The following BABAM2 variants were observed in gnomAD, a reference collection of about 807,000 sequenced individuals.
BABAM2 encodes BRISC and BRCA1 A complex member 2, also known as BRISC and BRCA1-A complex member 2.
Under a neutral mutation model 54.7 loss-of-function variants are expected in BABAM2, and 31 were observed. The ratio of observed to expected loss-of-function variants is 0.57; its 90% confidence interval spans 0.43 to 0.77. BABAM2 has a LOEUF of 0.77. Among genes scored for constraint, BABAM2 ranks in the 30% least tolerant of loss-of-function variants. The probability of loss-of-function intolerance (pLI) is 0.00; values close to 1 mark genes in which losing one functional copy is unlikely to be tolerated. For missense variants in BABAM2, 364 were observed against 455.8 expected, an observed-to-expected ratio of 0.80 and a Z score of 1.83; for synonymous variants, 167 against 162.9, an observed-to-expected ratio of 1.03 and a Z score of -0.19.
chr2:28,080,073 C>T (rs1665030588), intron 6 of BABAM2, among the ~76,000 whole-genome samples: 1 of 152,046 alleles, frequency 6.6e-6, no homozygotes, highest in Non-Finnish European at 1.5e-5. Flanking sequence ...AACCCTTCAG[C>T]CACTCCTTCT....
At chr2:28,286,284 CA>C (rs1300665475) in intron 10 of BABAM2, among the ~76,000 whole-genome samples, 1 of 152,122 alleles carries the variant, frequency 6.6e-6, no homozygotes, top group Non-Finnish European at 1.5e-5. Context: ...CTTTCCAAAG[CA>C]TTCTCCATTC....
rs542566761 is a variant in BABAM2 at position 27,937,893 on chromosome 2, C to T, written c.205+7985C>T. Among the ~76,000 whole-genome samples, 32 of 152,222 alleles carry T rather than the reference C, an allele frequency of 2.1e-4. No homozygotes were observed. The South Asian group carries it at 3.3e-3, about 16-fold the overall frequency. On this transcript the variant is annotated intron_variant, in intron 3 of 11. Coordinates refer to ENST00000379624, the MANE Select transcript of BABAM2 (RefSeq NM_199191.3). ...AAATTCTTACTGAGACCAATTGTGA[C>T]GAGGCATTTCTCCTATGTTTTCTTC...
intron 11 of BABAM2, among the ~76,000 whole-genome samples, chr2:28,337,210 G>A (rs1226215762): frequency 6.6e-6 from 1 of 152,056 alleles, no homozygotes; most frequent in Non-Finnish European, 1.5e-5. Context: ...CAGGAGCACG[G>A]GTGCCCACCT....
At chr2:27,964,651 GA>G (rs1376524643) in intron 3 of BABAM2, among the ~76,000 whole-genome samples, 13 of 152,168 alleles carry the variant, frequency 8.5e-5, no homozygotes, top group Admixed American at 6.5e-5. Flanking sequence ...GTGTTCGACA[GA>G]AATCATGACA....
chr2:28,188,657 G>A (rs576989481), intron 7 of BABAM2, among the ~76,000 whole-genome samples: 2 of 152,080 alleles, frequency 1.3e-5, no homozygotes, highest in East Asian at 1.9e-4. Flanking sequence ...AACAGGCCTC[G>A]GGGCTGTTTA....
intron 6 of BABAM2, among the ~76,000 whole-genome samples, chr2:28,124,418 A>C (rs1457774020): frequency 6.6e-6 from 1 of 152,204 alleles, no homozygotes; most frequent in African/African-American, 2.4e-5. Context: ...TATCATCTAT[A>C]AAAGAGCAAG....
At chr2:28,161,699 T>C in intron 7 of BABAM2, among the ~76,000 whole-genome samples, 1 of 152,056 alleles carries the variant, frequency 6.6e-6, no homozygotes, top group Non-Finnish European at 1.5e-5. Flanking sequence ...AATGGGTGGG[T>C]GTGTCCTTTT....
intron 6 of BABAM2, among the ~76,000 whole-genome samples, chr2:28,102,628 A>G (rs367553070): frequency 1.6e-4 from 25 of 152,294 alleles, no homozygotes; most frequent in Admixed American, 1.2e-3. Context: ...ATTCCAGTAA[A>G]TTCCCAGTTT....
chr2:28,186,372 A>G (rs1676278906), intron 7 of BABAM2, among the ~76,000 whole-genome samples: 1 of 152,176 alleles, frequency 6.6e-6, no homozygotes, highest in African/African-American at 2.4e-5. Flanking sequence ...CAAATTCACA[A>G]GTATGTGGTA....
At chr2:28,240,712 A>G (rs1682331610) in intron 8 of BABAM2, among the ~76,000 whole-genome samples, 1 of 152,054 alleles carries the variant, frequency 6.6e-6, no homozygotes, top group Non-Finnish European at 1.5e-5. Context: ...TCTACTAAAA[A>G]TACAAAAATT....
intron 5 of BABAM2, among the ~76,000 whole-genome samples, chr2:28,038,923 T>A (rs910373755): frequency 1.3e-5 from 2 of 152,204 alleles, no homozygotes; most frequent in African/African-American, 4.8e-5. Context: ...CTGGATCAAA[T>A]GGTAGTTCTA....
At chr2:28,105,564 C>G (rs1667448845) in intron 6 of BABAM2, among the ~76,000 whole-genome samples, 1 of 152,156 alleles carries the variant, frequency 6.6e-6, no homozygotes, top group South Asian at 2.1e-4. Context: ...GAACATTTTG[C>G]TTAATCTCCT....
intron 11 of BABAM2, among the ~76,000 whole-genome samples, chr2:28,331,216 C>G (rs1331674650): frequency 2.0e-5 from 3 of 152,122 alleles, no homozygotes; most frequent in African/African-American, 7.2e-5. Flanking sequence ...ACTATAAAAA[C>G]CCTAGAAGAA....
upstream of BABAM2, among the ~76,000 whole-genome samples, chr2:27,889,342 G>A (rs967832226): frequency 2.0e-5 from 3 of 152,132 alleles, no homozygotes; most frequent in Admixed American, 6.5e-5. Flanking sequence ...ATTTCAGGAC[G>A]AATGAGGTGT....
At chr2:27,905,574 T>C (rs1372590962) in intron 2 of BABAM2, among the ~76,000 whole-genome samples, 1 of 152,178 alleles carries the variant, frequency 6.6e-6, no homozygotes, top group Non-Finnish European at 1.5e-5. Context: ...TTGTTATATA[T>C]AATAAATAAT....
intron 4 of BABAM2, among the ~76,000 whole-genome samples, chr2:28,013,935 T>A (rs1455994307): frequency 6.6e-6 from 1 of 152,178 alleles, no homozygotes; most frequent in African/African-American, 2.4e-5. Flanking sequence ...TTAAGATATG[T>A]AGGATTTAAG....
At chr2:28,073,778 A>G (rs1668520078) in intron 6 of BABAM2, among the ~76,000 whole-genome samples, 1 of 152,166 alleles carries the variant, frequency 6.6e-6, no homozygotes, top group Non-Finnish European at 1.5e-5. Context: ...TGAATGTGTC[A>G]TAATTTAATT....
chr2:28,303,156 C>T (rs1479140674), intron 11 of BABAM2, among the ~76,000 whole-genome samples: 3 of 152,078 alleles, frequency 2.0e-5, no homozygotes, highest in Admixed American at 6.6e-5. Flanking sequence ...GCCACTATTC[C>T]TGCCCTTTTC....
At chr2:28,088,582 C>T (rs1178384666) in intron 6 of BABAM2, among the ~76,000 whole-genome samples, 1 of 152,148 alleles carries the variant, frequency 6.6e-6, no homozygotes, top group East Asian at 1.9e-4. Context: ...CTGAGCTGCT[C>T]TAAGCCAGTG....
Sources: gnomAD v4.1 joint callset for allele counts (sites outside exome capture counted in the v4.1 genomes callset) on GRCh38, gnomAD v4.1.1 for gene constraint, MANE v1.5 for transcripts, NCBI Gene and HGNC (gene_info 2026-07-23, HGNC 2026-07-21) for gene names.